Variants in AQP7B observed in about 807,000 individuals in gnomAD.
The protein encoded by AQP7B is aquaporin 7B, also known as putative aquaporin-7B.
the AQP7B span, among the ~76,000 whole-genome samples, chr2:94,591,700 G>T: frequency 2.6e-5 from 4 of 152,244 alleles, no homozygotes; most frequent in Non-Finnish European, 5.9e-5. Flanking sequence ...GCCCATTCCT[G>T]CACATTGGAT....
At chr2:94,601,988 A>T in the AQP7B span, among the ~76,000 whole-genome samples, 1 of 151,020 alleles carries the variant, frequency 6.6e-6, no homozygotes, top group East Asian at 2.0e-4. Flanking sequence ...TTAGGGCCCC[A>T]CTGTTCCAGC....
the AQP7B span, chr2:94,594,737 G>A: frequency 6.4e-7 from 1 of 1,555,228 alleles, no homozygotes. Context: ...TCGGGCCACT[G>A]TCTCAGGTCC....
chr2:94,604,513 C>G, the AQP7B span: 8 of 1,610,460 alleles, frequency 5.0e-6, no homozygotes, highest in Admixed American at 1.3e-4. Context: ...GCCTTGCCAA[C>G]AGATCTTCAG....
chr2:94,587,846 C>T, the AQP7B span, among the ~76,000 whole-genome samples: 2 of 151,988 alleles, frequency 1.3e-5, no homozygotes, highest in South Asian at 4.2e-4. Flanking sequence ...GGGGCTGGAG[C>T]TGGGGCTGGA....
At chr2:94,589,976 C>G in the AQP7B span, among the ~76,000 whole-genome samples, 2 of 152,186 alleles carry the variant, frequency 1.3e-5, no homozygotes, top group Admixed American at 6.5e-5. Context: ...TCCCCCATGG[C>G]CATGTCAGGC....
At chr2:94,594,254 G>A in the AQP7B span, among the ~76,000 whole-genome samples, 3 of 152,188 alleles carry the variant, frequency 2.0e-5, no homozygotes, top group African/African-American at 7.2e-5. Context: ...ACAGAGCTCG[G>A]CAGCAGACTT....
the AQP7B span, chr2:94,594,773 G>T: frequency 4.4e-6 from 7 of 1,580,340 alleles, no homozygotes; most frequent in Non-Finnish European, 6.1e-6. Context: ...ATGGTCTCCT[G>T]GTCCGTGATA....
the AQP7B span, chr2:94,602,575 C>T: frequency 2.8e-5 from 45 of 1,601,110 alleles, 1 homozygote; most frequent in Middle Eastern, 4.5e-4. Flanking sequence ...GTTTTGGCTT[C>T]GGGGTCACCA....
the AQP7B span, among the ~76,000 whole-genome samples, chr2:94,595,147 G>A: frequency 6.6e-6 from 1 of 152,168 alleles, no homozygotes; most frequent in Non-Finnish European, 1.5e-5. Context: ...TAAAGATATT[G>A]AAGAGGCCCA....
At chr2:94,592,363 A>G in the AQP7B span, among the ~76,000 whole-genome samples, 4 of 152,218 alleles carry the variant, frequency 2.6e-5, no homozygotes, top group Non-Finnish European at 5.9e-5. Context: ...CCCTCTGTTC[A>G]TAGCTCACCC....
the AQP7B span, among the ~76,000 whole-genome samples, chr2:94,593,832 A>G: frequency 2.0e-5 from 3 of 151,680 alleles, no homozygotes; most frequent in Non-Finnish European, 4.4e-5. Flanking sequence ...CACCTTCCCC[A>G]AACTCCAGTC....
At chr2:94,588,777 G>T in the AQP7B span, among the ~76,000 whole-genome samples, 2 of 151,194 alleles carry the variant, frequency 1.3e-5, no homozygotes, top group Non-Finnish European at 1.5e-5. Flanking sequence ...TTGGATGAGG[G>T]TCAAGGCATG....
the AQP7B span, among the ~76,000 whole-genome samples, chr2:94,587,422 C>T: frequency 1.3e-5 from 2 of 152,138 alleles, no homozygotes; most frequent in Non-Finnish European, 2.9e-5. Flanking sequence ...GAGTGGGGCT[C>T]CAGGCAGGGT....
At chr2:94,591,900 G>C in the AQP7B span, among the ~76,000 whole-genome samples, 1 of 152,096 alleles carries the variant, frequency 6.6e-6, no homozygotes, top group African/African-American at 2.4e-5. Context: ...CTTTCAGCTG[G>C]GGCAATGCTC....
chr2:94,596,813 C>T, the AQP7B span, among the ~76,000 whole-genome samples: 1 of 152,154 alleles, frequency 6.6e-6, no homozygotes, highest in Non-Finnish European at 1.5e-5. Context: ...GACTCTCTTG[C>T]CTCAGCCTCT....
the AQP7B span, among the ~76,000 whole-genome samples, chr2:94,601,779 C>A: frequency 1.3e-5 from 2 of 151,914 alleles, no homozygotes; most frequent in Non-Finnish European, 2.9e-5. Flanking sequence ...ATGGGGGAGA[C>A]GGAGGCCTCT....
chr2:94,594,217 C>T, the AQP7B span, among the ~76,000 whole-genome samples: 1 of 152,314 alleles, frequency 6.6e-6, no homozygotes, highest in South Asian at 2.1e-4. Flanking sequence ...CAGAACCTGG[C>T]ACATGTTTCA....
At chr2:94,600,480 C>T in the AQP7B span, among the ~76,000 whole-genome samples, 1 of 152,028 alleles carries the variant, frequency 6.6e-6, no homozygotes, top group Admixed American at 6.5e-5. Flanking sequence ...ACCTGTAATC[C>T]CAGCACTCTG....
chr2:94,591,355 C>G, the AQP7B span, among the ~76,000 whole-genome samples: 1 of 152,182 alleles, frequency 6.6e-6, no homozygotes, highest in East Asian at 1.9e-4. Flanking sequence ...GACCTGAGGG[C>G]ATCGCTGAGC....
Sources: allele counts gnomAD v4.1 joint callset (sites outside exome capture counted in the v4.1 genomes callset), GRCh38; gene constraint gnomAD v4.1.1; transcripts MANE v1.5; gene names NCBI Gene and HGNC (gene_info 2026-07-23, HGNC 2026-07-21).